Variants in SPATA22 observed in about 807,000 individuals in gnomAD.
SPATA22 encodes the protein spermatogenesis-associated protein 22.
Under a neutral mutation model 47.8 loss-of-function variants are expected in SPATA22, and 29 were observed. That is an observed-to-expected ratio of 0.61 (90% CI 0.45 to 0.83). SPATA22 has a LOEUF of 0.83. Ranked by LOEUF, SPATA22 falls within the 40% of genes least tolerant of loss-of-function variation. The pLI, the probability that SPATA22 is intolerant of heterozygous loss-of-function variation, is 0.00. For synonymous variants in SPATA22, 133 were observed against 140.9 expected (o/e 0.94, Z 0.40); for missense variants, 410 against 421.7 (o/e 0.97, Z 0.24).
At chr17:3,504,661 G>A (rs974886429) in intron 1 of SPATA22, among the ~76,000 whole-genome samples, 1 of 151,440 alleles carries the variant, frequency 6.6e-6, no homozygotes, top group Admixed American at 6.6e-5. Context: ...GGGTTCAAGC[G>A]ATTCTGCCGC....
chr17:3,508,148 C>A (rs556690997), intron 1 of SPATA22, among the ~76,000 whole-genome samples: 1 of 152,160 alleles, frequency 6.6e-6, no homozygotes, highest in Non-Finnish European at 1.5e-5. Context: ...TCAAGACAAG[C>A]AGTCAAGACT....
intron 3 of SPATA22, among the ~76,000 whole-genome samples, chr17:3,463,422 T>C (rs2073175441): frequency 1.3e-5 from 2 of 152,210 alleles, no homozygotes; most frequent in Admixed American, 1.3e-4. Context: ...CAGGCAATTG[T>C]AACATAATAG....
In SPATA22 at chr17:3,462,733, A is replaced by G. The variant is rs1423577230; in HGVS notation, c.207T>C (p.Ala69=). ...WAWEAVNPEL[A]PVMKTVDTGQ... is the part of the protein sequence containing the mutation. ...CGGTGTCCACTGTTTTCATTACAGG[A>G]GCCAACTCTGGATTCACAGCTTCCC... Residue 69 remains alanine, a synonymous_variant, in exon 4 of 9, where the codon GCT becomes GCC. Transcript: ENST00000572969. The G allele has an allele frequency of 6.2e-7, 1 of 1,613,690 alleles. No homozygotes were observed. The highest frequency in any genetic ancestry group is 1.3e-5 in the African/African-American group (1 of 75,052).
intron 6 of SPATA22, among the ~76,000 whole-genome samples, chr17:3,448,557 T>C (rs919834229): frequency 2.6e-5 from 4 of 152,126 alleles, no homozygotes; most frequent in African/African-American, 4.8e-5. Context: ...AAAATGAGTG[T>C]AAAGTGAAAG....
chr17:3,457,415 T>C (rs933545981), intron 5 of SPATA22, among the ~76,000 whole-genome samples: 1 of 152,198 alleles, frequency 6.6e-6, no homozygotes, highest in Non-Finnish European at 1.5e-5. Flanking sequence ...CCCAAAGTGA[T>C]CTACAGACTC....
intron 5 of SPATA22, among the ~76,000 whole-genome samples, chr17:3,459,079 T>C (rs1489751692): frequency 8.5e-6 from 1 of 118,090 alleles, no homozygotes; most frequent in African/African-American, 3.1e-5. Context: ...CAAATCAAAC[T>C]CATAGAAGCA....
chr17:3,498,798 A>G (rs954697326), intron 1 of SPATA22: 33 of 1,211,372 alleles, frequency 2.7e-5, no homozygotes, highest in Non-Finnish European at 3.7e-5. Flanking sequence ...AAACAACAGA[A>G]TACTGTAATT....
chr17:3,480,425 A>G (rs2073607335), intron 1 of SPATA22, among the ~76,000 whole-genome samples: 1 of 152,166 alleles, frequency 6.6e-6, no homozygotes, highest in Non-Finnish European at 1.5e-5. Flanking sequence ...ATTGAAGGTA[A>G]AATCATAGGG....
At chr17:3,469,815 A>T (rs12602217) in intron 1 of SPATA22, among the ~76,000 whole-genome samples, 115,003 of 152,094 alleles carry the variant, frequency 0.76, 45,160 homozygotes, top group Non-Finnish European at 0.88. Context: ...ATTGTGCAGG[A>T]CATCTGCCTT....
intron 1 of SPATA22, among the ~76,000 whole-genome samples, chr17:3,509,446 GAGGATGATGGCTTC>G (rs1487999740): frequency 6.6e-6 from 1 of 152,130 alleles, no homozygotes; most frequent in Non-Finnish European, 1.5e-5. Flanking sequence ...TTAGTTTGCT[GAGGATGATGGCTTC>G]CAGCTTCATC....
Position 3,488,552 on chromosome 17 carries a change from G to T in SPATA22, c.-73-19154C>A, listed in dbSNP as rs747538443. Among the ~76,000 whole-genome samples the T allele has an allele frequency of 2.0e-5, 3 of 152,168 alleles. No individual in the cohort carries two copies. Among genetic ancestry groups the T allele is most frequent in the Non-Finnish European group, 2.9e-5 (2 of 68,026 alleles). On this transcript the variant is annotated intron_variant, in intron 1 of 8. Coordinates refer to the SPATA22 transcript ENST00000541913. This position sits in a 1 kb window ranked among gnomAD's most constrained non-coding sequence, Gnocchi z 6.1. The stretch of plus-strand genomic sequence containing the variant: ...CGTGCCTGTAATCCCAGCTACTCGG[G>T]AGGCTGAGGCAGAAGAATCGCTTGA...
intron 5 of SPATA22, among the ~76,000 whole-genome samples, chr17:3,455,130 C>T (rs1036850965): frequency 6.9e-6 from 1 of 144,852 alleles, no homozygotes; most frequent in Non-Finnish European, 1.6e-5. Flanking sequence ...ATCCTTTGCC[C>T]ACTTTTTGAT....
Position 3,488,550 on chromosome 17 carries a change from G to A in SPATA22, c.-73-19152C>T, listed in dbSNP as rs558921938. Among the ~76,000 whole-genome samples, 6 of 152,216 alleles carry A rather than the reference G, an allele frequency of 3.9e-5. No homozygotes were observed. The highest frequency in any genetic ancestry group is 2.1e-4 in the South Asian group (1 of 4,816). On this transcript the variant is annotated intron_variant, in intron 1 of 8. Transcript: ENST00000541913. This position sits in a 1 kb window ranked among gnomAD's most constrained non-coding sequence, Gnocchi z 6.1. ...CCCGTGCCTGTAATCCCAGCTACTC[G>A]GGAGGCTGAGGCAGAAGAATCGCTT...
chr17:3,498,767 C>T, intron 1 of SPATA22: 1 of 987,534 alleles, frequency 1.0e-6, no homozygotes, highest in East Asian at 2.8e-5. Context: ...ATCTCAATGC[C>T]TCGCTCAAGT....
chr17:3,489,265 T>A lies in SPATA22; in HGVS notation c.-73-19867A>T, dbSNP rs747438350. On this transcript the variant is annotated intron_variant, in intron 1 of 8. Coordinates refer to the SPATA22 transcript ENST00000541913. ...GAAGTTGGTCCTCAGCCTCAAGGGGTTCTGAGAGCTGATATCTTGGATCAA... is the reference window on the plus strand; with the variant it reads ...GAAGTTGGTCCTCAGCCTCAAGGGGATCTGAGAGCTGATATCTTGGATCAA... 1 of 1,612,778 alleles carries A rather than the reference T, an allele frequency of 6.2e-7. No individual in the cohort carries two copies. Among genetic ancestry groups the A allele is most frequent in the Non-Finnish European group, 8.5e-7 (1 of 1,179,682 alleles).
intron 1 of SPATA22, among the ~76,000 whole-genome samples, chr17:3,479,354 C>G (rs11652568): frequency 0.41 from 62,267 of 152,070 alleles, 14,664 homozygotes; most frequent in Non-Finnish European, 0.56. Context: ...AATTGTCGGG[C>G]GCGACCTCAG....
At chr17:3,450,385 A>C (rs1431611898) in intron 5 of SPATA22, among the ~76,000 whole-genome samples, 1 of 152,248 alleles carries the variant, frequency 6.6e-6, no homozygotes, top group Non-Finnish European at 1.5e-5. Flanking sequence ...CACAATTACA[A>C]CAATTTAAGT....
At chr17:3,495,961 C>T (rs2073901946) in intron 1 of SPATA22, among the ~76,000 whole-genome samples, 1 of 152,074 alleles carries the variant, frequency 6.6e-6, no homozygotes, top group African/African-American at 2.4e-5. Flanking sequence ...AAACAGAGGC[C>T]AAGGTGATGA....
At chr17:3,464,125 C>A (rs1034855760) in intron 3 of SPATA22, among the ~76,000 whole-genome samples, 1 of 152,028 alleles carries the variant, frequency 6.6e-6, no homozygotes, top group Non-Finnish European at 1.5e-5. Context: ...CGATTGCAGG[C>A]GCGCGCCGCC....
Sources: allele counts gnomAD v4.1 joint callset (sites outside exome capture counted in the v4.1 genomes callset), GRCh38; gene constraint gnomAD v4.1.1; non-coding constraint Gnocchi (gnomAD v3.1); transcripts MANE v1.5; gene names NCBI Gene and HGNC (gene_info 2026-07-23, HGNC 2026-07-21).